The following KIAA1549L variants were observed in gnomAD, a reference collection of about 807,000 sequenced individuals.
KIAA1549L encodes UPF0606 protein KIAA1549L.
Under a neutral mutation model 160.7 loss-of-function variants are expected in KIAA1549L, and 88 were observed. The ratio of observed to expected loss-of-function variants is 0.55; its 90% CI spans 0.46 to 0.65. The LOEUF is 0.65. Among genes scored for constraint, KIAA1549L ranks in the 30% least tolerant of loss-of-function variants. The pLI, the probability that KIAA1549L is intolerant of heterozygous loss-of-function variation, is 0.00. For synonymous variants in KIAA1549L, 950 were observed against 976.7 expected, an observed-to-expected ratio of 0.97 and a Z score of 0.51; for missense variants, 2,258 against 2,437.5, an observed-to-expected ratio of 0.93 and a Z score of 1.55.
chr11:33,614,593 T>TA (rs1564925006), intron 15 of KIAA1549L, among the ~76,000 whole-genome samples: 1 of 49,476 alleles, frequency 2.0e-5, no homozygotes, highest in Non-Finnish European at 4.4e-5. Context: ...TATTTTTTTT[T>TA]TTTTTTTTTT....
chr11:33,469,675 C>T (rs1376641129), intron 1 of KIAA1549L, among the ~76,000 whole-genome samples: 1 of 152,238 alleles, frequency 6.6e-6, no homozygotes, highest in Non-Finnish European at 1.5e-5. Flanking sequence ...ACATCCTTGT[C>T]AACACTTGTT....
At chr11:33,488,544 T>C (rs150494998) in intron 1 of KIAA1549L, among the ~76,000 whole-genome samples, 1 of 152,350 alleles carries the variant, frequency 6.6e-6, no homozygotes, top group East Asian at 1.9e-4. Flanking sequence ...AGGAGCCTTC[T>C]CTGTATCAAC....
chr11:33,536,995 A>AG (rs1853908982), intron 1 of KIAA1549L, among the ~76,000 whole-genome samples: 1 of 152,176 alleles, frequency 6.6e-6, no homozygotes, highest in Admixed American at 6.5e-5. Context: ...AAAGCTGCAG[A>AG]GGGAGGTGAT....
chr11:33,644,848 G>A (rs1430264115), intron 16 of KIAA1549L, among the ~76,000 whole-genome samples: 1 of 152,198 alleles, frequency 6.6e-6, no homozygotes, highest in Non-Finnish European at 1.5e-5. Context: ...CAGACTGGTG[G>A]AATAAACTCC....
At chr11:33,474,320 G>T (rs77126307) in intron 1 of KIAA1549L, among the ~76,000 whole-genome samples, 1 of 152,136 alleles carries the variant, frequency 6.6e-6, no homozygotes, top group Non-Finnish European at 1.5e-5. Context: ...CCCCACCTCC[G>T]TGATTCCAGA....
chr11:33,632,549 C>T (rs1236729544), intron 16 of KIAA1549L, among the ~76,000 whole-genome samples: 4 of 152,106 alleles, frequency 2.6e-5, no homozygotes, highest in Non-Finnish European at 5.9e-5. Flanking sequence ...GTGCCTGCTA[C>T]AGTACCTGCT....
At chr11:33,598,364 A>G (rs1159291351) in intron 12 of KIAA1549L, among the ~76,000 whole-genome samples, 8 of 152,178 alleles carry the variant, frequency 5.3e-5, no homozygotes, top group Non-Finnish European at 1.2e-4. Context: ...TGGAAACGGA[A>G]TGTTTTGTAG....
intron 1 of KIAA1549L, among the ~76,000 whole-genome samples, chr11:33,489,794 T>C (rs1318031027): frequency 1.3e-5 from 2 of 152,200 alleles, no homozygotes; most frequent in East Asian, 1.9e-4. Context: ...AAATGTAGTC[T>C]AGCTGTGTGC....
intron 1 of KIAA1549L, among the ~76,000 whole-genome samples, chr11:33,530,809 C>T (rs11032292): frequency 0.16 from 23,973 of 151,950 alleles, 2,487 homozygotes; most frequent in Non-Finnish European, 0.22. Flanking sequence ...TTGTAACAGT[C>T]GAGGATTGGT....
At chr11:33,395,278 T>C (rs2134054809) in intron 1 of KIAA1549L, among the ~76,000 whole-genome samples, 1 of 152,336 alleles carries the variant, frequency 6.6e-6, no homozygotes, top group East Asian at 1.9e-4. Context: ...AATGACTTCC[T>C]TCTGCCTGTA....
chr11:33,656,000 T>C lies in KIAA1549L; in HGVS notation c.5761-12T>C. On this transcript the variant is annotated splice_polypyrimidine_tract_variant and intron_variant, in intron 17 of 20. Transcript: ENST00000658780. ...TTAACAACTCTCCCTGTATTGCTTG[T>C]CTCTTTCACAGGCTTACAGGTTTTC... 6.2e-7 allele frequency: 1 copy of C among 1,601,204 alleles called. No individual in the cohort carries two copies. The highest frequency in any genetic ancestry group is 8.6e-7 in the Non-Finnish European group (1 of 1,168,508).
intron 16 of KIAA1549L, among the ~76,000 whole-genome samples, chr11:33,629,742 C>T (rs543629824): frequency 7.3e-5 from 11 of 150,926 alleles, no homozygotes; most frequent in South Asian, 2.1e-4. Flanking sequence ...AATGTCCTCC[C>T]GTAGCTCGGA....
At chr11:33,436,950 C>A (rs538416891) in intron 1 of KIAA1549L, among the ~76,000 whole-genome samples, 1 of 152,150 alleles carries the variant, frequency 6.6e-6, no homozygotes, top group Non-Finnish European at 1.5e-5. Context: ...TCAGCACCAA[C>A]GTGGGGTGTT....
intron 19 of KIAA1549L, 77 bp from the exon 20 acceptor site, chr11:33,660,786 C>T: frequency 6.9e-7 from 1 of 1,457,228 alleles, no homozygotes; most frequent in Non-Finnish European, 9.4e-7. Flanking sequence ...ATGAAACTGA[C>T]TTTATTTGGC....
intron 1 of KIAA1549L, among the ~76,000 whole-genome samples, chr11:33,429,171 C>T (rs969412871): frequency 2.0e-5 from 3 of 152,148 alleles, no homozygotes; most frequent in African/African-American, 4.8e-5. Flanking sequence ...GGGGTTTCAC[C>T]ATGTTGGCCA....
intron 9 of KIAA1549L, among the ~76,000 whole-genome samples, chr11:33,573,802 G>A (rs1242189265): frequency 6.6e-6 from 1 of 152,054 alleles, no homozygotes; most frequent in African/African-American, 2.4e-5. Context: ...ACACTATGTA[G>A]GTATTAAAAC....
intron 1 of KIAA1549L, among the ~76,000 whole-genome samples, chr11:33,497,672 A>G (rs1208671202): frequency 2.0e-5 from 3 of 152,224 alleles, no homozygotes; most frequent in Non-Finnish European, 4.4e-5. Flanking sequence ...TTACGAAAAC[A>G]TCTTGAAAAT....
chr11:33,398,760 G>A (rs1850437357), intron 1 of KIAA1549L, among the ~76,000 whole-genome samples: 1 of 152,084 alleles, frequency 6.6e-6, no homozygotes, highest in South Asian at 2.1e-4. Flanking sequence ...GTGTGTACAT[G>A]CCTTTTACAA....
chr11:33,478,867 G>A (rs755777143), intron 1 of KIAA1549L, among the ~76,000 whole-genome samples: 17 of 152,066 alleles, frequency 1.1e-4, no homozygotes, highest in African/African-American at 2.7e-4. Flanking sequence ...TCTTGACCTC[G>A]TGATCCACCT....
Sources: allele counts gnomAD v4.1 joint callset (sites outside exome capture counted in the v4.1 genomes callset), GRCh38; gene constraint gnomAD v4.1.1; transcripts MANE v1.5; gene names NCBI Gene and HGNC (gene_info 2026-07-23, HGNC 2026-07-21).